Variants in TLN2 observed in about 807,000 individuals in gnomAD.
TLN2 encodes the protein talin 2, also known as talin-2.
In TLN2, 118 loss-of-function variants were observed where a neutral mutation model predicts 294.7. The observed-to-expected ratio is 0.40, with a 90% CI of 0.34 to 0.47. TLN2 has a LOEUF of 0.47. TLN2 is among the 20% of genes least tolerant of loss of function. TLN2 has a pLI of 0.84. For missense variants in TLN2, 3,083 were observed against 3,282.2 expected, an observed-to-expected ratio of 0.94 and a Z score of 1.48; for synonymous variants, 1,431 against 1,304.5, an observed-to-expected ratio of 1.10 and a Z score of -2.09.
intron 12 of TLN2, among the ~76,000 whole-genome samples, chr15:62,692,095 T>C (rs2057968514): frequency 1.3e-5 from 2 of 152,252 alleles, no homozygotes; most frequent in Admixed American, 6.5e-5. Context: ...AGTTTTATTC[T>C]CTGAGCCCTT....
At chr15:62,497,985 C>T (rs2039097567) in intron 1 of TLN2, among the ~76,000 whole-genome samples, 1 of 151,830 alleles carries the variant, frequency 6.6e-6, no homozygotes. Context: ...TGGTGGCTCA[C>T]ACCTGTAATC....
At chr15:62,539,177 AG>A (rs2041531317) in intron 1 of TLN2, among the ~76,000 whole-genome samples, 1 of 152,206 alleles carries the variant, frequency 6.6e-6, no homozygotes, top group East Asian at 1.9e-4. Context: ...AGGGAGCTTA[AG>A]CAATGAAAAT....
intron 1 of TLN2, among the ~76,000 whole-genome samples, chr15:62,445,574 A>G (rs187562348): frequency 2.6e-5 from 4 of 152,326 alleles, no homozygotes; most frequent in Admixed American, 1.3e-4. Flanking sequence ...AAATGCTGAA[A>G]CTATTAATGT....
rs56056575 is a variant in TLN2, at chr15:62,504,846, T to TGAGA, written c.-237-84819_-237-84816dup. On this transcript the variant is annotated intron_variant, in intron 1 of 58. Transcript: ENST00000636159. Reference sequence around the variant, plus strand: ...GTGTGTGTGTGTGTGTGTGTGTGTGTGAGAGAGAGAGAGAGAGAGAGAGAG... The same window carrying TGAGA: ...GTGTGTGTGTGTGTGTGTGTGTGTGTGAGAGAGAGAGAGAGAGAGAGAGAGAGAG... 3.7e-4 allele frequency among the ~76,000 whole-genome samples: 54 copies of TGAGA among 144,474 alleles called. 2 individuals are homozygous for TGAGA. The highest frequency in any genetic ancestry group is 4.5e-4 in the African/African-American group (17 of 38,120). 94.8% of individuals were successfully genotyped at this position (144,474 alleles called of 152,430 possible).
intron 52 of TLN2, among the ~76,000 whole-genome samples, chr15:62,812,568 G>A (rs2066774971): frequency 6.6e-6 from 1 of 152,184 alleles, no homozygotes; most frequent in Non-Finnish European, 1.5e-5. Flanking sequence ...AAGGGCAGGT[G>A]CCAGCATTTG....
intron 1 of TLN2, among the ~76,000 whole-genome samples, chr15:62,559,532 C>T (rs1322239392): frequency 6.6e-6 from 1 of 152,206 alleles, no homozygotes; most frequent in East Asian, 1.9e-4. Context: ...ATATCACTAG[C>T]ACTTTCTTGT....
chr15:62,724,302 T>C (rs770943053), intron 26 of TLN2, among the ~76,000 whole-genome samples: 3 of 152,202 alleles, frequency 2.0e-5, no homozygotes, highest in South Asian at 2.1e-4. Context: ...TCTGCTGTTA[T>C]TACTATCATC....
intron 38 of TLN2, 56 bp from the exon 39 acceptor site, chr15:62,762,216 C>T (rs1029309228): frequency 6.9e-6 from 11 of 1,592,952 alleles, no homozygotes; most frequent in Admixed American, 6.7e-5. Context: ...TCAGGGCCCA[C>T]GTCATTCACT....
chr15:62,588,346 A>G (rs2045793478), intron 1 of TLN2, among the ~76,000 whole-genome samples: 1 of 151,860 alleles, frequency 6.6e-6, no homozygotes, highest in Non-Finnish European at 1.5e-5. Context: ...TTTTGTTACT[A>G]TAAAGAAATA....
chr15:62,582,991 T>A (rs1401308789), intron 1 of TLN2, among the ~76,000 whole-genome samples: 2 of 152,196 alleles, frequency 1.3e-5, no homozygotes, highest in Non-Finnish European at 2.9e-5. Flanking sequence ...TTATCCCTGC[T>A]CTTTCCTCCA....
intron 9 of TLN2, among the ~76,000 whole-genome samples, chr15:62,670,048 A>G (rs1225606520): frequency 2.6e-5 from 4 of 152,180 alleles, no homozygotes; most frequent in Non-Finnish European, 4.4e-5. Context: ...GCTGCAGTAC[A>G]GGACTTTCTT....
intron 1 of TLN2, among the ~76,000 whole-genome samples, chr15:62,427,091 A>C (rs916044907): frequency 1.3e-5 from 2 of 152,128 alleles, no homozygotes; most frequent in East Asian, 3.9e-4. Flanking sequence ...AGGTATCAGG[A>C]GCACCCCCGA....
intron 40 of TLN2, among the ~76,000 whole-genome samples, 192 bp from the exon 41 acceptor site, chr15:62,766,129 T>G (rs1386257602): frequency 1.3e-5 from 2 of 152,186 alleles, no homozygotes; most frequent in African/African-American, 4.8e-5. Context: ...CATGCCTGCT[T>G]CTTCTCTCTT....
chr15:62,560,091 G>T (rs1298036369), intron 1 of TLN2, among the ~76,000 whole-genome samples: 1 of 152,210 alleles, frequency 6.6e-6, no homozygotes, highest in Non-Finnish European at 1.5e-5. Context: ...TGCCTAGATG[G>T]CTTCGGGAAA....
At chr15:62,682,256 T>C (rs1293104392) in intron 11 of TLN2, among the ~76,000 whole-genome samples, 1 of 152,262 alleles carries the variant, frequency 6.6e-6, no homozygotes, top group Non-Finnish European at 1.5e-5. Flanking sequence ...GGCTCTGAAA[T>C]TTGAATTTTA....
intron 50 of TLN2, 89 bp from the exon 51 acceptor site, chr15:62,805,511 G>A: frequency 1.5e-6 from 2 of 1,376,698 alleles, no homozygotes; most frequent in Non-Finnish European, 1.9e-6. Context: ...TCAGTTTTCA[G>A]ACACAAGCTA....
chr15:62,656,645 C>T (rs149647066), intron 8 of TLN2, among the ~76,000 whole-genome samples: 1 of 152,314 alleles, frequency 6.6e-6, no homozygotes, highest in East Asian at 1.9e-4. Context: ...TTTGTCCTCT[C>T]CTACCAGCTT....
chr15:62,625,209 C>T lies in TLN2; in HGVS notation c.-37+6734C>T, dbSNP rs138821432. The stretch of plus-strand genomic sequence containing the variant: ...TTCACTACTGAATGTGCACATGGGG[C>T]TTCAGACTATGACTCAGGCCCATGA... On this transcript the variant is annotated intron_variant, in intron 3 of 58. Coordinates refer to ENST00000636159, the MANE Select transcript of TLN2 (RefSeq NM_015059.3). 1.4e-4 allele frequency among the ~76,000 whole-genome samples: 22 copies of T among 152,194 alleles called. No homozygotes were observed. The South Asian group carries it at 2.3e-3, about 16-fold the overall frequency.
chr15:62,790,736 G>T (rs968408748), intron 45 of TLN2, among the ~76,000 whole-genome samples: 11 of 152,128 alleles, frequency 7.2e-5, no homozygotes, highest in African/African-American at 2.7e-4. Flanking sequence ...AACTTTAATG[G>T]GGTATACCCC....
Sources: allele counts gnomAD v4.1 joint callset (sites outside exome capture counted in the v4.1 genomes callset), GRCh38; gene constraint gnomAD v4.1.1; transcripts MANE v1.5; gene names NCBI Gene and HGNC (gene_info 2026-07-23, HGNC 2026-07-21).